DYSF: variants seen among roughly 807,000 people sequenced by gnomAD.
DYSF encodes the protein dysferlin.
In DYSF, 212 loss-of-function variants were observed where a neutral mutation model predicts 274.9. The observed-to-expected ratio is 0.77, with a 90% CI of 0.69 to 0.86. The LOEUF (loss-of-function observed/expected upper bound fraction) is 0.86, where lower values mean the gene tolerates loss of function less well. Among genes scored for constraint, DYSF ranks in the 40% least tolerant of loss-of-function variants. The pLI, the probability that DYSF is intolerant of heterozygous loss-of-function variation, is 0.00. For missense variants in DYSF, 2,666 were observed against 2,783.2 expected, an observed-to-expected ratio of 0.96 and a Z score of 0.95; for synonymous variants, 1,091 against 1,078.7, an observed-to-expected ratio of 1.01 and a Z score of -0.22.
chr2:71,597,591 C>A lies in DYSF; in HGVS notation c.3575-973C>A, dbSNP rs1052588195. 2.6e-5 allele frequency among the ~76,000 whole-genome samples: 4 copies of A among 152,162 alleles called. No homozygotes were observed. In the East Asian group the frequency reaches 7.7e-4, roughly 29 times the overall value. ...AGCCTGAATGAACCTTCCAGATGAT[C>A]CTGCAGCATGCTCACATTTTCAGAA... On this transcript the variant is annotated intron_variant, in intron 32 of 55. Coordinates refer to ENST00000410020, the MANE Select transcript of DYSF (RefSeq NM_001130987.2).
chr2:71,619,834 T>C (rs1281784357), intron 40 of DYSF, among the ~76,000 whole-genome samples: 1 of 152,176 alleles, frequency 6.6e-6, no homozygotes, highest in African/African-American at 2.4e-5. Flanking sequence ...TGAACAAGTC[T>C]TCCTGCCTTC....
intron 32 of DYSF, among the ~76,000 whole-genome samples, chr2:71,591,217 C>T (rs934788683): frequency 3.3e-5 from 5 of 152,260 alleles, no homozygotes; most frequent in African/African-American, 1.2e-4. Context: ...TTCTAACCAG[C>T]AAACTCCTAG....
At chr2:71,589,464 G>C (rs2093182966) in intron 30 of DYSF, 129 bp from the exon 31 acceptor site, 1 of 756,076 alleles carries the variant, frequency 1.3e-6, no homozygotes, top group Non-Finnish European at 2.4e-6. Flanking sequence ...AATGAAATTA[G>C]AGGCTGAGAG....
intron 52 of DYSF, among the ~76,000 whole-genome samples, chr2:71,674,895 G>C (rs1160369734): frequency 6.6e-6 from 1 of 152,176 alleles, no homozygotes; most frequent in Non-Finnish European, 1.5e-5. Context: ...AGAGCAGTGA[G>C]TTCAAGATAG....
chr2:71,510,846 C>T (rs2086015920), intron 4 of DYSF, among the ~76,000 whole-genome samples: 1 of 152,252 alleles, frequency 6.6e-6, no homozygotes. Flanking sequence ...TTGCATACAG[C>T]AGATCTGTCT....
At chr2:71,578,711 G>A (rs578262700) in intron 30 of DYSF, among the ~76,000 whole-genome samples, 1 of 152,236 alleles carries the variant, frequency 6.6e-6, no homozygotes, top group East Asian at 1.9e-4. Flanking sequence ...GGTCTGTGGT[G>A]CCCCCTTGCC....
chr2:71,499,013 C>T (rs997937744), intron 3 of DYSF, among the ~76,000 whole-genome samples: 2 of 152,058 alleles, frequency 1.3e-5, no homozygotes, highest in Non-Finnish European at 2.9e-5. Context: ...TAATTTTTTA[C>T]GTTGGTAAAA....
chr2:71,593,548 G>A (rs145252967), intron 32 of DYSF, among the ~76,000 whole-genome samples: 12 of 152,316 alleles, frequency 7.9e-5, no homozygotes, highest in Non-Finnish European at 1.0e-4. Flanking sequence ...CTTAGAACAC[G>A]TCACCAACAC....
chr2:71,585,753 C>T (rs2093044886), intron 30 of DYSF, among the ~76,000 whole-genome samples: 1 of 152,116 alleles, frequency 6.6e-6, no homozygotes, highest in Non-Finnish European at 1.5e-5. Flanking sequence ...GTGAGGTGCT[C>T]TGCTGGGTGA....
chr2:71,574,654 G>A (rs761481167), intron 30 of DYSF, among the ~76,000 whole-genome samples: 8 of 152,266 alleles, frequency 5.3e-5, no homozygotes, highest in Non-Finnish European at 1.0e-4. Context: ...GGCCTTGGCC[G>A]TCTGGCTGGC....
At chr2:71,564,263 G>A (rs1489650743) in intron 24 of DYSF, 50 bp downstream of exon 24, 1 of 1,609,718 alleles carries the variant, frequency 6.2e-7, no homozygotes, top group Non-Finnish European at 8.5e-7. Flanking sequence ...CCAACATAAG[G>A]CCTTTCTCCC....
intron 32 of DYSF, among the ~76,000 whole-genome samples, chr2:71,592,331 C>G (rs554411466): frequency 1.3e-5 from 2 of 152,180 alleles, no homozygotes; most frequent in Non-Finnish European, 2.9e-5. Flanking sequence ...CTGGCCCCAC[C>G]CCCTCCCCCA....
In DYSF at chr2:71,570,624, C is replaced by G; in HGVS notation, c.3111C>G (p.Pro1037=). 2.5e-6 allele frequency: 4 copies of G among 1,614,070 alleles called. No homozygotes were observed. The South Asian group carries it at 4.4e-5, about 18-fold the overall frequency. The change falls in exon 29 of 56, where the codon CCC becomes CCG. Residue 1037 remains proline (P), a synonymous_variant. Transcript: ENST00000410020. ...EQGWEYSITI[P]PERKPKHWVP... The stretch of plus-strand genomic sequence containing the variant: ...GCTGGGAGTATAGCATCACCATCCC[C>G]CCGGAGCGGAAGCCGAAGCACTGGG...
At chr2:71,571,269 C>T (rs1335881141) in intron 29 of DYSF, among the ~76,000 whole-genome samples, 1 of 147,626 alleles carries the variant, frequency 6.8e-6, no homozygotes, top group Non-Finnish European at 1.5e-5. Context: ...AGTTCACATG[C>T]AGCACACCCA....
intron 20 of DYSF, 41 bp downstream of exon 20, chr2:71,553,229 A>G (rs757424224): frequency 1.2e-4 from 189 of 1,612,748 alleles, no homozygotes; most frequent in Non-Finnish European, 1.5e-4. Context: ...TCACAGGATC[A>G]TAGAGCAGGG....
intron 30 of DYSF, among the ~76,000 whole-genome samples, chr2:71,583,220 C>T (rs2092955057): frequency 6.6e-6 from 1 of 152,142 alleles, no homozygotes; most frequent in Admixed American, 6.5e-5. Flanking sequence ...TCTCGTGAAC[C>T]ACATGCGCTC....
rs368084694 is a variant in DYSF at position 71,480,842 on chromosome 2, C to T, written c.92-41C>T. The T allele has an allele frequency of 5.8e-5, 92 of 1,582,744 alleles. No individual in the cohort carries two copies. The African/African-American group carries it at 1.0e-3, about 18-fold the overall frequency. ...GCCTAACTCAGCGGAAGGTGAAAGG[C>T]GGGATGTGTCTCTCCATTCTCCCTT... is the stretch of plus-strand genomic sequence containing the variant. On this transcript the variant is annotated intron_variant, in intron 1 of 55. Coordinates refer to ENST00000410020, the MANE Select transcript of DYSF (RefSeq NM_001130987.2).
chr2:71,606,033 C>T (rs11890744), intron 36 of DYSF, among the ~76,000 whole-genome samples: 7,392 of 152,174 alleles, frequency 0.049, 422 homozygotes, highest in African/African-American at 0.14. Flanking sequence ...CCATAGGCTA[C>T]TGATGACCCG....
intron 29 of DYSF, among the ~76,000 whole-genome samples, chr2:71,571,997 C>A: frequency 7.3e-6 from 1 of 136,866 alleles, no homozygotes; most frequent in South Asian, 2.5e-4. Flanking sequence ...CCAGCACACC[C>A]AGCACAGATC....
Sources: gnomAD v4.1 joint callset for allele counts (sites outside exome capture counted in the v4.1 genomes callset) on GRCh38, gnomAD v4.1.1 for gene constraint, MANE v1.5 for transcripts, NCBI Gene and HGNC (gene_info 2026-07-23, HGNC 2026-07-21) for gene names.